The following SAMSN1 variants were observed in gnomAD, a reference collection of about 807,000 sequenced individuals.
The protein encoded by SAMSN1 is SAM domain-containing protein SAMSN-1.
SAMSN1 carries 31 observed loss-of-function variants against 42.0 expected under a neutral mutation model. That is an observed-to-expected ratio of 0.74 (90% confidence interval 0.55 to 1.00). The LOEUF (loss-of-function observed/expected upper bound fraction) is 1.00, where lower values mean the gene tolerates loss of function less well. SAMSN1 is among the 50% of genes least tolerant of loss of function. The pLI is 0.00. For missense variants in SAMSN1, 464 were observed against 439.4 expected (o/e 1.06, Z -0.50); for synonymous variants, 178 against 151.9 (o/e 1.17, Z -1.26).
At chr21:14,508,229 AT>A (rs1406014681) in intron 5 of SAMSN1, among the ~76,000 whole-genome samples, 1 of 152,184 alleles carries the variant, frequency 6.6e-6, no homozygotes, top group Non-Finnish European at 1.5e-5. Context: ...AACTAAAGAG[AT>A]TTTGCATGGT....
intron 2 of SAMSN1, among the ~76,000 whole-genome samples, chr21:14,577,425 C>A (rs1371041160): frequency 6.7e-6 from 1 of 150,204 alleles, no homozygotes; most frequent in Non-Finnish European, 1.5e-5. Flanking sequence ...ATTTCTTAAT[C>A]TTATAAAAAT....
chr21:14,624,640 C>G (rs1320515173), intron 2 of SAMSN1, among the ~76,000 whole-genome samples: 1 of 152,060 alleles, frequency 6.6e-6, no homozygotes, highest in African/African-American at 2.4e-5. Flanking sequence ...AATTAATAGC[C>G]TACCAACCAA....
chr21:14,588,439 C>T (rs1981988861), intron 7 of SAMSN1, among the ~76,000 whole-genome samples: 1 of 148,952 alleles, frequency 6.7e-6, no homozygotes. Flanking sequence ...GATCGCCATT[C>T]TAACTGGTGT....
At chr21:14,503,335 C>G (rs929343624) in intron 5 of SAMSN1, among the ~76,000 whole-genome samples, 2 of 152,186 alleles carry the variant, frequency 1.3e-5, no homozygotes, top group South Asian at 2.1e-4. Flanking sequence ...AATCTAGAGG[C>G]TTAGAATGGA....
At chr21:14,530,179 T>C (rs2123084231) in intron 1 of SAMSN1, among the ~76,000 whole-genome samples, 1 of 151,258 alleles carries the variant, frequency 6.6e-6, no homozygotes, top group Non-Finnish European at 1.5e-5. Flanking sequence ...TAGCCGGGCG[T>C]GGTGGCGGGT....
intron 1 of SAMSN1, among the ~76,000 whole-genome samples, chr21:14,643,484 T>C (rs1270029015): frequency 1.3e-5 from 2 of 152,158 alleles, no homozygotes; most frequent in African/African-American, 4.8e-5. Flanking sequence ...ATAAACTGTG[T>C]TGGTTACAGA....
At chr21:14,644,985 C>T (rs1466323392) in intron 1 of SAMSN1, among the ~76,000 whole-genome samples, 1 of 152,140 alleles carries the variant, frequency 6.6e-6, no homozygotes, top group Non-Finnish European at 1.5e-5. Flanking sequence ...TGAGTGCCAG[C>T]TCAGCTGTAA....
At chr21:14,647,426 T>C (rs1983737993) in intron 1 of SAMSN1, among the ~76,000 whole-genome samples, 1 of 148,092 alleles carries the variant, frequency 6.8e-6, no homozygotes, top group African/African-American at 2.4e-5. Flanking sequence ...GTGTGATGCC[T>C]CCAGCTTTGT....
chr21:14,562,050 T>C (rs1344738752), intron 2 of SAMSN1, among the ~76,000 whole-genome samples: 2 of 152,254 alleles, frequency 1.3e-5, no homozygotes, highest in African/African-American at 2.4e-5. Flanking sequence ...TTTGTATGAC[T>C]TTGTTATGGC....
chr21:14,544,059 T>C (rs867790818), intron 1 of SAMSN1, among the ~76,000 whole-genome samples: 10 of 152,234 alleles, frequency 6.6e-5, no homozygotes, highest in African/African-American at 2.4e-4. Flanking sequence ...GCCAATTTTT[T>C]TTCTTTTTGA....
At chr21:14,571,943 A>C (rs1294818522) in intron 2 of SAMSN1, among the ~76,000 whole-genome samples, 1 of 152,324 alleles carries the variant, frequency 6.6e-6, no homozygotes, top group East Asian at 1.9e-4. Context: ...TGGGCAAACT[A>C]TATGAAATAA....
chr21:14,596,654 G>A lies in SAMSN1; in HGVS notation c.400-2576C>T, dbSNP rs147944917. ...GGGAAACCAGATGACATTCTGCGAA[G>A]ACACTCAGCCTCATGGATAGACCAA... On this transcript the variant is annotated intron_variant, in intron 6 of 15. Transcript: ENST00000647101. 1.5e-3 allele frequency among the ~76,000 whole-genome samples: 235 copies of A among 152,292 alleles called. 1 individual carries two copies. Among genetic ancestry groups the A allele is most frequent in the Middle Eastern group, 0.01 (3 of 294 alleles).
At chr21:14,641,156 T>A (rs1300338611) in intron 2 of SAMSN1, among the ~76,000 whole-genome samples, 1 of 152,178 alleles carries the variant, frequency 6.6e-6, no homozygotes, top group Non-Finnish European at 1.5e-5. Flanking sequence ...CACACTAATA[T>A]GTGCAAAATA....
intron 2 of SAMSN1, among the ~76,000 whole-genome samples, chr21:14,569,566 C>T (rs1981227450): frequency 1.3e-5 from 2 of 152,124 alleles, no homozygotes; most frequent in African/African-American, 4.8e-5. Flanking sequence ...GCCAGCAAAA[C>T]TCCCAAGAAC....
At chr21:14,534,972 T>C (rs1979512485) in intron 1 of SAMSN1, among the ~76,000 whole-genome samples, 1 of 152,088 alleles carries the variant, frequency 6.6e-6, no homozygotes, top group African/African-American at 2.4e-5. Context: ...GAAGTGACAG[T>C]CCACCTATAA....
At chr21:14,606,512 T>G (rs974657677) in intron 5 of SAMSN1, among the ~76,000 whole-genome samples, 1 of 152,110 alleles carries the variant, frequency 6.6e-6, no homozygotes, top group Admixed American at 6.5e-5. Context: ...TTCTTTTTTA[T>G]AAACTCAAGT....
At position 14,516,920 on chromosome 21, in the gene SAMSN1, T is replaced by G; in HGVS notation, c.251A>C (p.Lys84Thr). ...TTCCTCAGAAAGGGCTTTGATGTACTTTTTACCCACTTTTTTCTTCATTGT... is the reference window on the plus strand; with the variant it reads ...TTCCTCAGAAAGGGCTTTGATGTACGTTTTACCCACTTTTTTCTTCATTGT... ...SWTMKKKVGK[K>T]YIKALSEEKD... The change falls in exon 3 of 8, where the codon AAG becomes ACG. Residue 84 changes from lysine (K) to threonine (T), a missense_variant. Lys to Thr is a moderately conservative substitution (Grantham distance 78, BLOSUM62 -1). Transcript: ENST00000400566. 1 of 1,611,732 alleles carries G rather than the reference T, an allele frequency of 6.2e-7. No homozygotes were observed. Among genetic ancestry groups the G allele is most frequent in the Non-Finnish European group, 8.5e-7 (1 of 1,179,088 alleles).
At chr21:14,568,505 TC>T (rs1194537161) in intron 2 of SAMSN1, among the ~76,000 whole-genome samples, 2 of 152,166 alleles carry the variant, frequency 1.3e-5, no homozygotes, top group East Asian at 3.8e-4. Context: ...AATCAGGTCT[TC>T]CCCCCAGTGA....
At chr21:14,524,997 GC>G (rs1978748503) in intron 1 of SAMSN1, among the ~76,000 whole-genome samples, 1 of 152,092 alleles carries the variant, frequency 6.6e-6, no homozygotes, top group African/African-American at 2.4e-5. Context: ...CATTTAATCT[GC>G]CTTTCCTGTA....
Sources: allele counts gnomAD v4.1 joint callset (sites outside exome capture counted in the v4.1 genomes callset), GRCh38; gene constraint gnomAD v4.1.1; transcripts MANE v1.5; gene names NCBI Gene and HGNC (gene_info 2026-07-23, HGNC 2026-07-21).